ADAMTSL1: variants seen among roughly 807,000 people sequenced by gnomAD.
ADAMTSL1 encodes the protein ADAMTS like 1, also known as ADAMTS-like protein 1.
A neutral mutation model predicts 201.8 loss-of-function variants in ADAMTSL1; 126 were observed. The ratio of observed to expected loss-of-function variants is 0.62; its 90% CI spans 0.54 to 0.72. ADAMTSL1 has a LOEUF of 0.72. Ranked by LOEUF, ADAMTSL1 falls within the 30% of genes least tolerant of loss-of-function variation. ADAMTSL1 has a pLI of 0.00. For synonymous variants in ADAMTSL1, 1,121 were observed against 903.4 expected (o/e 1.24, Z -4.32); for missense variants, 2,679 against 2,277.8 (o/e 1.18, Z -3.59).
intron 2 of ADAMTSL1, among the ~76,000 whole-genome samples, chr9:18,292,759 C>A (rs1031172080): frequency 3.3e-5 from 5 of 152,148 alleles, no homozygotes; most frequent in African/African-American, 1.2e-4. Flanking sequence ...AGGTCTTTGG[C>A]CACAGATTGA....
chr9:17,920,262 C>A (rs1265495566), intron 1 of ADAMTSL1, among the ~76,000 whole-genome samples: 3 of 152,084 alleles, frequency 2.0e-5, no homozygotes, highest in African/African-American at 7.2e-5. Context: ...GTTCCTTTGC[C>A]CTGCTAGCAT....
At chr9:18,456,261 G>A (rs1322411845) in intron 2 of ADAMTSL1, among the ~76,000 whole-genome samples, 6 of 152,206 alleles carry the variant, frequency 3.9e-5, no homozygotes, top group Admixed American at 2.0e-4. Context: ...GAAGGTCTAC[G>A]TAAGTGTGCA....
intron 2 of ADAMTSL1, among the ~76,000 whole-genome samples, chr9:18,236,715 T>C (rs1027545886): frequency 6.6e-6 from 1 of 152,264 alleles, no homozygotes; most frequent in South Asian, 2.1e-4. Context: ...AGCACAGGAA[T>C]TAAATCTTAG....
At chr9:18,536,953 C>A (rs1183007786) in intron 3 of ADAMTSL1, among the ~76,000 whole-genome samples, 1 of 152,050 alleles carries the variant, frequency 6.6e-6, no homozygotes, top group East Asian at 1.9e-4. Flanking sequence ...CCTTAAGGTT[C>A]ATATGAGTTG....
At chr9:18,786,117 C>G (rs1821692511) in intron 19 of ADAMTSL1, among the ~76,000 whole-genome samples, 1 of 152,192 alleles carries the variant, frequency 6.6e-6, no homozygotes. Flanking sequence ...TAATATGAAA[C>G]TAGATGCTTG....
intron 2 of ADAMTSL1, among the ~76,000 whole-genome samples, chr9:18,344,583 A>C (rs1835615503): frequency 6.6e-6 from 1 of 152,182 alleles, no homozygotes; most frequent in African/African-American, 2.4e-5. Flanking sequence ...TGATAGAATA[A>C]ATTTTAGCAT....
At chr9:18,611,692 G>A (rs2132608791) in intron 4 of ADAMTSL1, among the ~76,000 whole-genome samples, 1 of 152,170 alleles carries the variant, frequency 6.6e-6, no homozygotes, top group South Asian at 2.1e-4. Flanking sequence ...TTAGATTCTT[G>A]ACTTCAAGAA....
intron 1 of ADAMTSL1, among the ~76,000 whole-genome samples, chr9:18,109,201 C>A (rs1824895128): frequency 6.6e-6 from 1 of 152,154 alleles, no homozygotes; most frequent in Non-Finnish European, 1.5e-5. Context: ...TCCTCCTTTA[C>A]ATTCATATCT....
intron 1 of ADAMTSL1, among the ~76,000 whole-genome samples, chr9:17,935,994 A>G (rs1167853113): frequency 2.6e-5 from 4 of 152,122 alleles, no homozygotes; most frequent in East Asian, 1.9e-4. Context: ...CTTACTTACT[A>G]TTCTCTAGCT....
chr9:18,519,261 C>A (rs920909658), intron 2 of ADAMTSL1, among the ~76,000 whole-genome samples: 19 of 152,164 alleles, frequency 1.2e-4, no homozygotes, highest in Non-Finnish European at 2.5e-4. Flanking sequence ...TTTCTTTAAA[C>A]CTTCTTGCCT....
At chr9:18,797,790 A>C (rs1156294455) in intron 20 of ADAMTSL1, among the ~76,000 whole-genome samples, 1 of 152,170 alleles carries the variant, frequency 6.6e-6, no homozygotes, top group African/African-American at 2.4e-5. Context: ...ACGTGTGAAA[A>C]AGCACTTAAC....
At position 18,199,138 on chromosome 9, in the gene ADAMTSL1, T is replaced by C. The variant is rs564506405; in HGVS notation, c.207+35157T>C. 1.6e-3 allele frequency among the ~76,000 whole-genome samples: 243 copies of C among 151,026 alleles called. 2 individuals carry two copies. The highest frequency in any genetic ancestry group is 2.4e-3 in the Admixed American group (36 of 15,126). On this transcript the variant is annotated intron_variant, in intron 2 of 29. Transcript: ENST00000680146. ...GTCGGGGGAGGCGGGAGGGATAGCA[T>C]TGGAAGATATACCTAATGCTAGATG...
Position 18,183,559 on chromosome 9 carries a change from C to A in ADAMTSL1, c.207+19578C>A, listed in dbSNP as rs528551947. On this transcript the variant is annotated intron_variant, in intron 2 of 29. Transcript: ENST00000680146. ...ATCCAGTTCAAAAATGGGCCAAAGACCTTAACAGATACCTCACCAAAGAAA... is the reference window on the plus strand; with the variant it reads ...ATCCAGTTCAAAAATGGGCCAAAGAACTTAACAGATACCTCACCAAAGAAA... Among the ~76,000 whole-genome samples the A allele has an allele frequency of 3.9e-5, 6 of 152,228 alleles. No individual in the cohort carries two copies. In the South Asian group the frequency reaches 1.2e-3, roughly 32 times the overall value.
At chr9:18,831,473 AT>A (rs1429233139) in intron 23 of ADAMTSL1, among the ~76,000 whole-genome samples, 1 of 152,232 alleles carries the variant, frequency 6.6e-6, no homozygotes, top group African/African-American at 2.4e-5. Context: ...CTCAGGTGCC[AT>A]TTAGCATGCT....
At chr9:18,853,918 T>TGTGTGTGCGCGCGC (rs139332733) in intron 23 of ADAMTSL1, among the ~76,000 whole-genome samples, 63 of 145,490 alleles carry the variant, frequency 4.3e-4, no homozygotes, top group Non-Finnish European at 7.5e-4. Flanking sequence ...TGTGTGTGTG[T>TGTGTGTGCGCGCGC]GCGCGTGCAT....
At chr9:18,180,396 A>T (rs1254276438) in intron 2 of ADAMTSL1, among the ~76,000 whole-genome samples, 4 of 151,114 alleles carry the variant, frequency 2.6e-5, no homozygotes, top group Non-Finnish European at 4.5e-5. Flanking sequence ...AGCCAGGCGT[A>T]GTGGCGGGCG....
At chr9:18,660,568 G>T (rs1286532669) in intron 8 of ADAMTSL1, among the ~76,000 whole-genome samples, 1 of 152,120 alleles carries the variant, frequency 6.6e-6, no homozygotes, top group Admixed American at 6.5e-5. Flanking sequence ...TTTACTACAT[G>T]ATAAATTCTG....
chr9:18,577,544 C>G (rs974335680), intron 4 of ADAMTSL1, among the ~76,000 whole-genome samples: 2 of 152,104 alleles, frequency 1.3e-5, no homozygotes, highest in African/African-American at 4.8e-5. Flanking sequence ...GCTGTGTAAT[C>G]TTGGTCAAGA....
chr9:18,006,609 G>A (rs922321670), intron 1 of ADAMTSL1, among the ~76,000 whole-genome samples: 1 of 151,930 alleles, frequency 6.6e-6, no homozygotes, highest in Non-Finnish European at 1.5e-5. Flanking sequence ...AAAGACCTTG[G>A]ATATATCCCA....
Sources: allele counts gnomAD v4.1 joint callset (sites outside exome capture counted in the v4.1 genomes callset), GRCh38; gene constraint gnomAD v4.1.1; transcripts MANE v1.5; gene names NCBI Gene and HGNC (gene_info 2026-07-23, HGNC 2026-07-21).